The following GALNT13 variants were observed in gnomAD, a reference collection of about 807,000 sequenced individuals.
GALNT13 encodes UDP-GalNAc:polypeptide N-acetylgalactosaminyltransferase 13.
Under a neutral mutation model 64.2 loss-of-function variants are expected in GALNT13, and 28 were observed. The observed-to-expected ratio is 0.44, with a 90% CI of 0.32 to 0.60. The LOEUF (loss-of-function observed/expected upper bound fraction) is 0.60, where lower values mean the gene tolerates loss of function less well. Among genes scored for constraint, GALNT13 ranks in the 20% least tolerant of loss-of-function variants. The pLI is 0.05. For synonymous variants in GALNT13, 214 were observed against 224.6 expected, an observed-to-expected ratio of 0.95 and a Z score of 0.42; for missense variants, 577 against 669.8, an observed-to-expected ratio of 0.86 and a Z score of 1.53.
At chr2:154,309,233 C>T (rs1187692859) in intron 9 of GALNT13, among the ~76,000 whole-genome samples, 1 of 152,108 alleles carries the variant, frequency 6.6e-6, no homozygotes, top group Admixed American at 6.6e-5. Context: ...TTCCTAGATT[C>T]CTCCTTCTCG....
the GALNT13 span, among the ~76,000 whole-genome samples, chr2:153,073,023 A>T: frequency 1.5e-4 from 23 of 152,338 alleles, no homozygotes; most frequent in African/African-American, 5.5e-4. Flanking sequence ...TCTAGCACTT[A>T]TATTCGAGGC....
At chr2:153,745,499 GT>G in the GALNT13 span, among the ~76,000 whole-genome samples, 1 of 151,862 alleles carries the variant, frequency 6.6e-6, no homozygotes, top group Non-Finnish European at 1.5e-5. Flanking sequence ...TCCTTTTGAG[GT>G]TTTTTCCTCT....
At chr2:153,410,790 T>C in the GALNT13 span, among the ~76,000 whole-genome samples, 30 of 152,204 alleles carry the variant, frequency 2.0e-4, no homozygotes, top group African/African-American at 7.0e-4. Flanking sequence ...GTATTGATTA[T>C]ATAGTGTTAG....
At chr2:153,976,427 A>G (rs779763984) in intron 3 of GALNT13, among the ~76,000 whole-genome samples, 3 of 152,084 alleles carry the variant, frequency 2.0e-5, no homozygotes, top group Admixed American at 6.6e-5. Context: ...CAGTCCTTCA[A>G]AATTCACAAA....
chr2:153,479,047 C>T, the GALNT13 span, among the ~76,000 whole-genome samples: 1 of 152,234 alleles, frequency 6.6e-6, no homozygotes, highest in African/African-American at 2.4e-5. Flanking sequence ...TCACTGTACT[C>T]TTCTAGCTTG....
chr2:153,902,247 T>A (rs1382896776), intron 2 of GALNT13, among the ~76,000 whole-genome samples: 1 of 150,552 alleles, frequency 6.6e-6, no homozygotes, highest in Non-Finnish European at 1.5e-5. Flanking sequence ...CCACACTACT[T>A]TTGGTTTTGA....
chr2:154,377,776 A>G lies in GALNT13; in HGVS notation c.1157-18215A>G, dbSNP rs116336224. Among the ~76,000 whole-genome samples the G allele has an allele frequency of 4.7e-3, 721 of 152,218 alleles. 7 individuals carry two copies. Among genetic ancestry groups the G allele is most frequent in the African/African-American group, 0.017 (691 of 41,544 alleles). On this transcript the variant is annotated intron_variant, in intron 9 of 12. Coordinates refer to ENST00000392825, the MANE Select transcript of GALNT13 (RefSeq NM_052917.4). ...TTCTTCATTGTACTTCCCTTCTAGT[A>G]TGAAGACAGACAATAAATAAGATTA...
the GALNT13 span, among the ~76,000 whole-genome samples, chr2:153,821,401 G>T: frequency 6.6e-6 from 1 of 152,028 alleles, no homozygotes; most frequent in Admixed American, 6.6e-5. Flanking sequence ...CTTTTAGATC[G>T]CTGTAGAATA....
At chr2:154,073,506 T>C (rs1427066586) in intron 3 of GALNT13, among the ~76,000 whole-genome samples, 1 of 151,918 alleles carries the variant, frequency 6.6e-6, no homozygotes, top group Non-Finnish European at 1.5e-5. Flanking sequence ...TAAAGATTAT[T>C]CTGAGAAAAG....
At chr2:154,228,113 A>G (rs1688722787) in intron 4 of GALNT13, among the ~76,000 whole-genome samples, 1 of 152,150 alleles carries the variant, frequency 6.6e-6, no homozygotes, top group South Asian at 2.1e-4. Flanking sequence ...TATGATTCAG[A>G]TGATTCTGAT....
the GALNT13 span, among the ~76,000 whole-genome samples, chr2:153,151,339 G>A: frequency 1.3e-5 from 2 of 151,826 alleles, no homozygotes; most frequent in Non-Finnish European, 2.9e-5. Context: ...AACAGGTGCT[G>A]GAGAGGATGT....
At chr2:153,995,429 A>G (rs1453219210) in intron 3 of GALNT13, among the ~76,000 whole-genome samples, 1 of 152,186 alleles carries the variant, frequency 6.6e-6, no homozygotes, top group Non-Finnish European at 1.5e-5. Flanking sequence ...ATTAATAAGA[A>G]TTAGACATTG....
the GALNT13 span, among the ~76,000 whole-genome samples, chr2:153,545,182 G>A: frequency 2.0e-5 from 3 of 152,142 alleles, no homozygotes; most frequent in Non-Finnish European, 2.9e-5. Context: ...GCAGTCCACA[G>A]CCGGTGAGGT....
At chr2:153,987,572 A>G (rs1178509110) in intron 3 of GALNT13, among the ~76,000 whole-genome samples, 4 of 152,046 alleles carry the variant, frequency 2.6e-5, no homozygotes, top group East Asian at 1.9e-4. Flanking sequence ...ATTGTAATGA[A>G]TTTGGGCATA....
chr2:153,248,724 G>C, the GALNT13 span, among the ~76,000 whole-genome samples: 1 of 148,958 alleles, frequency 6.7e-6, no homozygotes, highest in African/African-American at 2.5e-5. Context: ...GCTGAGGCAG[G>C]ATAATGGCGT....
chr2:153,378,514 G>C, the GALNT13 span, among the ~76,000 whole-genome samples: 2 of 152,136 alleles, frequency 1.3e-5, no homozygotes, highest in African/African-American at 4.8e-5. Context: ...TGGCCAAGAA[G>C]TCAAGGGGCT....
At chr2:153,913,869 C>G (rs1342043357) in intron 2 of GALNT13, among the ~76,000 whole-genome samples, 2 of 152,218 alleles carry the variant, frequency 1.3e-5, no homozygotes, top group East Asian at 1.9e-4. Context: ...ATGTTCTGGT[C>G]CCTTGGAGGG....
At chr2:154,413,396 C>T (rs1186849839) in intron 11 of GALNT13, among the ~76,000 whole-genome samples, 2 of 151,918 alleles carry the variant, frequency 1.3e-5, no homozygotes, top group African/African-American at 4.8e-5. Context: ...TCTACTTTTA[C>T]CCATATGGAT....
rs149604229 is a variant in GALNT13, at chr2:154,129,805, T to A, written c.143-10532T>A. ...TTAATTGATTAATGAACATGGGGCC[T>A]GTTGCGAGAGGACTGTTAATGTACT... is the stretch of plus-strand genomic sequence containing the variant. On this transcript the variant is annotated intron_variant, in intron 3 of 12. Coordinates refer to ENST00000392825, the MANE Select transcript of GALNT13 (RefSeq NM_052917.4). Among the ~76,000 whole-genome samples the A allele has an allele frequency of 3.9e-3, 595 of 152,256 alleles. 7 individuals are homozygous for A. The highest frequency in any genetic ancestry group is 0.014 in the African/African-American group (574 of 41,540).
Sources: allele counts gnomAD v4.1 joint callset (sites outside exome capture counted in the v4.1 genomes callset), GRCh38; gene constraint gnomAD v4.1.1; transcripts MANE v1.5; gene names NCBI Gene and HGNC (gene_info 2026-07-23, HGNC 2026-07-21).